The following LRRC4C variants were observed in gnomAD, a reference collection of about 807,000 sequenced individuals.
LRRC4C encodes the protein leucine rich repeat containing 4C, also known as leucine-rich repeat-containing protein 4C.
Under a neutral mutation model 33.6 loss-of-function variants are expected in LRRC4C, and 5 were observed. That is an observed-to-expected ratio of 0.15 (90% CI 0.08 to 0.31). The LOEUF (loss-of-function observed/expected upper bound fraction) is 0.31, where lower values mean the gene tolerates loss of function less well. Ranked by LOEUF, LRRC4C falls within the 10% of genes least tolerant of loss-of-function variation. The pLI is 1.00. For missense variants in LRRC4C, 560 were observed against 796.7 expected (o/e 0.70, Z 3.58); for synonymous variants, 329 against 302.0 (o/e 1.09, Z -0.93).
At chr11:40,616,205 A>G in intron 3 of LRRC4C, among the ~76,000 whole-genome samples, 1 of 151,978 alleles carries the variant, frequency 6.6e-6, no homozygotes, top group Non-Finnish European at 1.5e-5. Flanking sequence ...CAAAACCACA[A>G]TGAGATACCA....
At chr11:41,100,347 C>A (rs1292757721) in intron 1 of LRRC4C, among the ~76,000 whole-genome samples, 1 of 151,914 alleles carries the variant, frequency 6.6e-6, no homozygotes, top group Non-Finnish European at 1.5e-5. Flanking sequence ...GTGGGTGGAT[C>A]CTGAGGTCAG....
At chr11:41,042,706 G>A (rs1022648878) in intron 1 of LRRC4C, among the ~76,000 whole-genome samples, 4 of 152,086 alleles carry the variant, frequency 2.6e-5, no homozygotes, top group African/African-American at 4.8e-5. Flanking sequence ...AATCATAGTC[G>A]CAGTTGCATG....
intron 1 of LRRC4C, among the ~76,000 whole-genome samples, chr11:41,078,554 G>A (rs1939325160): frequency 1.3e-5 from 2 of 152,142 alleles, no homozygotes; most frequent in African/African-American, 4.8e-5. Flanking sequence ...TGGCAGGGCA[G>A]GAGAGAGAGC....
chr11:40,727,841 G>A (rs1947362547), intron 2 of LRRC4C, among the ~76,000 whole-genome samples: 1 of 152,068 alleles, frequency 6.6e-6, no homozygotes, highest in Non-Finnish European at 1.5e-5. Context: ...CTGAGTTCAG[G>A]AGTTTGAGAC....
chr11:40,195,528 T>C (rs1862190130), intron 5 of LRRC4C, among the ~76,000 whole-genome samples: 1 of 152,098 alleles, frequency 6.6e-6, no homozygotes, highest in Non-Finnish European at 1.5e-5. Flanking sequence ...GGTCAGAGTG[T>C]GCCCTGAAGG....
At chr11:40,331,744 A>C (rs1222795498) in intron 3 of LRRC4C, among the ~76,000 whole-genome samples, 1 of 152,188 alleles carries the variant, frequency 6.6e-6, no homozygotes, top group Non-Finnish European at 1.5e-5. Flanking sequence ...CTTCTGGTTC[A>C]TGGACCTTCA....
intron 1 of LRRC4C, among the ~76,000 whole-genome samples, chr11:41,092,726 A>G (rs1273600656): frequency 2.6e-5 from 4 of 152,222 alleles, no homozygotes; most frequent in Non-Finnish European, 5.9e-5. Flanking sequence ...CAGACAGACA[A>G]TATCCTGCTT....
intron 1 of LRRC4C, among the ~76,000 whole-genome samples, chr11:41,247,884 G>A (rs1008927834): frequency 1.2e-4 from 18 of 152,094 alleles, no homozygotes; most frequent in South Asian, 6.2e-4. Context: ...GCTGGGGCAC[G>A]TTGCATTACA....
intron 3 of LRRC4C, among the ~76,000 whole-genome samples, chr11:40,547,527 T>G (rs745406116): frequency 2.6e-5 from 4 of 152,028 alleles, no homozygotes; most frequent in Non-Finnish European, 5.9e-5. Context: ...TACCCTAAAT[T>G]TTTTATCCTG....
intron 4 of LRRC4C, among the ~76,000 whole-genome samples, chr11:40,261,029 C>A (rs1391618803): frequency 6.6e-6 from 1 of 152,064 alleles, no homozygotes; most frequent in African/African-American, 2.4e-5. Flanking sequence ...TACTGGCAAG[C>A]ACCACCATAT....
intron 1 of LRRC4C, among the ~76,000 whole-genome samples, chr11:41,031,852 C>A (rs1004465439): frequency 1.3e-5 from 2 of 151,936 alleles, no homozygotes; most frequent in African/African-American, 2.4e-5. Flanking sequence ...TGGAAACATG[C>A]CAGAGTTCTG....
intron 2 of LRRC4C, among the ~76,000 whole-genome samples, chr11:40,654,039 G>C (rs1942963651): frequency 6.6e-6 from 1 of 152,194 alleles, no homozygotes; most frequent in Non-Finnish European, 1.5e-5. Context: ...CAGAAGAATT[G>C]AGGTTGGGGA....
chr11:41,335,692 T>A (rs1449550868), intron 1 of LRRC4C, among the ~76,000 whole-genome samples: 1 of 152,182 alleles, frequency 6.6e-6, no homozygotes, highest in Non-Finnish European at 1.5e-5. Context: ...TCATAATAGG[T>A]CTGCAGTAAA....
intron 3 of LRRC4C, among the ~76,000 whole-genome samples, chr11:40,486,247 A>C (rs753929331): frequency 6.6e-6 from 1 of 151,826 alleles, no homozygotes; most frequent in Non-Finnish European, 1.5e-5. Flanking sequence ...AACTACACAT[A>C]AGTTTATTTT....
chr11:40,999,493 C>T (rs981855098), intron 1 of LRRC4C, among the ~76,000 whole-genome samples: 1 of 152,000 alleles, frequency 6.6e-6, no homozygotes, highest in African/African-American at 2.4e-5. Flanking sequence ...ATATGCAAAA[C>T]CATTATTTAA....
chr11:40,892,408 A>G (rs866716817), intron 2 of LRRC4C, among the ~76,000 whole-genome samples: 5 of 152,276 alleles, frequency 3.3e-5, no homozygotes, highest in African/African-American at 1.2e-4. Flanking sequence ...TAGAACCACC[A>G]TATGACCCAG....
intron 1 of LRRC4C, among the ~76,000 whole-genome samples, chr11:41,311,895 T>A (rs75903146): frequency 1.3e-5 from 2 of 152,236 alleles, no homozygotes; most frequent in East Asian, 3.9e-4. Flanking sequence ...GAAGTAGGGG[T>A]TTCTCTGTCT....
intron 5 of LRRC4C, among the ~76,000 whole-genome samples, chr11:40,165,811 G>A (rs746663416): frequency 6.6e-6 from 1 of 152,108 alleles, no homozygotes; most frequent in Non-Finnish European, 1.5e-5. Context: ...CGGGCGTGGT[G>A]GTGCATGCTT....
intron 1 of LRRC4C, among the ~76,000 whole-genome samples, chr11:40,971,493 G>T (rs1304269660): frequency 1.3e-5 from 2 of 152,188 alleles, no homozygotes; most frequent in Non-Finnish European, 2.9e-5. Context: ...ATTTCAGAGA[G>T]CATATGGAAA....
Sources: gnomAD v4.1 joint callset for allele counts (sites outside exome capture counted in the v4.1 genomes callset) on GRCh38, gnomAD v4.1.1 for gene constraint, MANE v1.5 for transcripts, NCBI Gene and HGNC (gene_info 2026-07-23, HGNC 2026-07-21) for gene names.